Variants in HS6ST2 observed in about 807,000 individuals in gnomAD.
HS6ST2 encodes heparan sulfate 6-O-sulfotransferase 2.
HS6ST2 carries 17 observed loss-of-function variants against 33.0 expected under a neutral mutation model. The ratio of observed to expected loss-of-function variants is 0.52; its 90% CI spans 0.35 to 0.77. HS6ST2 has a LOEUF of 0.77. Ranked by LOEUF, HS6ST2 falls within the 30% of genes least tolerant of loss-of-function variation. The pLI is 0.01. For missense variants in HS6ST2, 519 were observed against 551.7 expected, an observed-to-expected ratio of 0.94 and a Z score of 0.59; for synonymous variants, 248 against 237.1, an observed-to-expected ratio of 1.05 and a Z score of -0.42.
chrX:132,795,851 C>G (rs747412369), intron 2 of HS6ST2, among the ~76,000 whole-genome samples: 15 of 111,655 alleles, frequency 1.3e-4, no homozygotes, highest in Non-Finnish European at 2.8e-4. Flanking sequence ...TCAAGCAATC[C>G]GCCCACCTTG....
At chrX:132,754,781 G>A (rs1452095751) in intron 2 of HS6ST2, among the ~76,000 whole-genome samples, 2 of 109,925 alleles carry the variant, frequency 1.8e-5, no homozygotes, top group African/African-American at 6.6e-5. Context: ...GCATGATCAG[G>A]ACTCACTGCA....
upstream of HS6ST2, among the ~76,000 whole-genome samples, chrX:132,960,602 T>C (rs758380128): frequency 3.6e-5 from 4 of 110,017 alleles, no homozygotes; most frequent in Non-Finnish European, 7.6e-5. Flanking sequence ...TCATTTGAGT[T>C]GTGAAAAGGA....
At chrX:132,722,995 A>T (rs1031141290) in intron 2 of HS6ST2, among the ~76,000 whole-genome samples, 2 of 111,735 alleles carry the variant, frequency 1.8e-5, no homozygotes, top group Admixed American at 9.5e-5. Context: ...AAAAGGAGAC[A>T]TTCCAACTGA....
chrX:132,898,894 A>G lies in HS6ST2; in HGVS notation c.947+57914T>C, dbSNP rs1179269765. 4.5e-5 allele frequency among the ~76,000 whole-genome samples: 5 copies of G among 111,096 alleles called. No individual in the cohort carries two copies. The Admixed American group carries it at 4.9e-4, about 11-fold the overall frequency. On this transcript the variant is annotated intron_variant, in intron 2 of 4. Transcript: ENST00000370833. The stretch of plus-strand genomic sequence containing the variant: ...CATACGTATGGGAGGAAACTACCCA[A>G]GACCAATAAAAGAATTGCTAAAAAA...
At chrX:132,863,246 T>C (rs920331645) in intron 2 of HS6ST2, among the ~76,000 whole-genome samples, 1 of 112,286 alleles carries the variant, frequency 8.9e-6, no homozygotes. Flanking sequence ...ATATAATTAG[T>C]AAATAAACAA....
intron 2 of HS6ST2, among the ~76,000 whole-genome samples, chrX:132,784,047 T>C (rs1308344824): frequency 9.0e-6 from 1 of 111,128 alleles, no homozygotes; most frequent in Non-Finnish European, 1.9e-5. Flanking sequence ...ATTCGGAGTA[T>C]TGAGGCCAAC....
intron 2 of HS6ST2, among the ~76,000 whole-genome samples, chrX:132,829,199 T>TATATATATATATATATATAC (rs55664940): frequency 1.4e-3 from 101 of 73,259 alleles, no homozygotes; most frequent in African/African-American, 6.1e-3. Context: ...TATATATATA[T>TATATATATATATATATATAC]ACATACTTAT....
chrX:132,737,414 T>C (rs374021111), intron 2 of HS6ST2, among the ~76,000 whole-genome samples: 13 of 110,519 alleles, frequency 1.2e-4, no homozygotes, highest in African/African-American at 4.3e-4. Flanking sequence ...GCTAATGGAG[T>C]GGGACAACAG....
chrX:132,759,507 TG>T (rs772057727), intron 2 of HS6ST2, among the ~76,000 whole-genome samples: 15 of 110,628 alleles, frequency 1.4e-4, no homozygotes, highest in Admixed American at 9.7e-4. Context: ...ATTTGGTAGG[TG>T]GGGGTGATGG....
chrX:132,844,171 G>A lies in HS6ST2; in HGVS notation c.947+112637C>T, dbSNP rs1448280048. On this transcript the variant is annotated intron_variant, in intron 2 of 4. Transcript: ENST00000370833. Reference sequence around the variant, plus strand: ...TGGCTTTTAACTTTTTGGGGGAGTGGGGATGAAGGAGGTTTCCTGGACTCA... The same window carrying A: ...TGGCTTTTAACTTTTTGGGGGAGTGAGGATGAAGGAGGTTTCCTGGACTCA... Among the ~76,000 whole-genome samples the A allele has an allele frequency of 2.7e-5, 3 of 111,438 alleles. No individual in the cohort carries two copies. The East Asian group carries it at 8.5e-4, about 32-fold the overall frequency.
At chrX:132,637,889 ATT>A (rs1248410347) in intron 4 of HS6ST2, among the ~76,000 whole-genome samples, 13 of 55,923 alleles carry the variant, frequency 2.3e-4, no homozygotes, top group East Asian at 4.8e-4. Flanking sequence ...TATATATAAT[ATT>A]TTATATATAA....
chrX:132,718,849 T>A (rs1020323121), intron 2 of HS6ST2, among the ~76,000 whole-genome samples: 1 of 110,268 alleles, frequency 9.1e-6, no homozygotes, highest in East Asian at 2.9e-4. Flanking sequence ...GAAAGAGAAG[T>A]TGGCAGACAG....
intron 2 of HS6ST2, among the ~76,000 whole-genome samples, chrX:132,885,776 G>T (rs981703445): frequency 1.8e-5 from 2 of 111,463 alleles, no homozygotes; most frequent in African/African-American, 6.5e-5. Context: ...CACAGACAGA[G>T]AAAAGAACCA....
chrX:132,671,272 C>G (rs1317427845), intron 3 of HS6ST2, among the ~76,000 whole-genome samples: 1 of 111,360 alleles, frequency 9.0e-6, no homozygotes, highest in Non-Finnish European at 1.9e-5. Context: ...GCCACTGAGC[C>G]TTCCTCCTCC....
chrX:132,785,841 C>T (rs1318200218), intron 2 of HS6ST2, among the ~76,000 whole-genome samples: 2 of 111,779 alleles, frequency 1.8e-5, no homozygotes, highest in Admixed American at 9.5e-5. Context: ...TTACAACCAA[C>T]TGAGGGAGCA....
rs897070548 is a variant in HS6ST2, at chrX:132,690,110, A to G, written c.980+18352T>C. 2.7e-5 allele frequency among the ~76,000 whole-genome samples: 3 copies of G among 112,494 alleles called. No homozygotes were observed. In the Admixed American group the frequency reaches 2.8e-4, roughly 11 times the overall value. ...TCATACACAACATGTAAATGAATGC[A>G]TGGCTGTGTTCCAACAAAACTTTAT... On this transcript the variant is annotated intron_variant, in intron 3 of 4. Transcript: ENST00000370833.
At chrX:132,938,067 TG>T (rs1278275597) in intron 2 of HS6ST2, among the ~76,000 whole-genome samples, 2 of 104,700 alleles carry the variant, frequency 1.9e-5, no homozygotes, top group Non-Finnish European at 3.9e-5. Context: ...GAGGCTGAGG[TG>T]GGGGGATTGC....
chrX:132,661,502 G>A (rs78922558), intron 4 of HS6ST2, among the ~76,000 whole-genome samples: 4 of 111,411 alleles, frequency 3.6e-5, no homozygotes, highest in East Asian at 5.6e-4. Flanking sequence ...TAGGAAAAGC[G>A]TGTATCCTGA....
intron 2 of HS6ST2, among the ~76,000 whole-genome samples, chrX:132,752,071 C>G (rs1363085571): frequency 8.9e-6 from 1 of 111,928 alleles, no homozygotes; most frequent in African/African-American, 3.2e-5. Flanking sequence ...AAACCCAAGT[C>G]TCTCTGAAAC....
Sources: allele counts gnomAD v4.1 joint callset (sites outside exome capture counted in the v4.1 genomes callset), GRCh38; gene constraint gnomAD v4.1.1; transcripts MANE v1.5; gene names NCBI Gene and HGNC (gene_info 2026-07-23, HGNC 2026-07-21).